Variants in RFTN2 observed in about 807,000 individuals in gnomAD.
The protein encoded by RFTN2 is raftlin family member 2, also known as raftlin-2.
RFTN2 carries 34 observed loss-of-function variants against 52.7 expected under a neutral mutation model. The ratio of observed to expected loss-of-function variants is 0.64; its 90% CI spans 0.49 to 0.86. The LOEUF (loss-of-function observed/expected upper bound fraction) is 0.86. RFTN2 is among the 40% of genes least tolerant of loss of function. The probability of loss-of-function intolerance (pLI) is 0.00; values close to 1 mark genes in which losing one functional copy is unlikely to be tolerated. For missense variants in RFTN2, 536 were observed against 600.1 expected, an observed-to-expected ratio of 0.89 and a Z score of 1.12; for synonymous variants, 203 against 217.7, an observed-to-expected ratio of 0.93 and a Z score of 0.59.
chr2:197,572,301 G>T, intron 8 of RFTN2, 21 bp from the exon 9 acceptor site: 1 of 1,608,722 alleles, frequency 6.2e-7, no homozygotes, highest in South Asian at 1.1e-5. Context: ...AGACATTGGT[G>T]ACCAGGAGAG....
rs558795073 is a variant in RFTN2, at chr2:197,615,327, G to A, written c.1154+549C>T. 1.5e-4 allele frequency among the ~76,000 whole-genome samples: 23 copies of A among 152,326 alleles called. No individual in the cohort carries two copies. The East Asian group carries it at 1.9e-3, about 13-fold the overall frequency. On this transcript the variant is annotated intron_variant, in intron 7 of 8. Transcript: ENST00000295049. Reference sequence around the variant, plus strand: ...TCAGTCATTTCCTGGATGCCAAAGCGGGCAGAGGACACATCTCTGGGTCCC... The same window carrying A: ...TCAGTCATTTCCTGGATGCCAAAGCAGGCAGAGGACACATCTCTGGGTCCC...
At chr2:197,609,893 G>A (rs888186690) in intron 7 of RFTN2, among the ~76,000 whole-genome samples, 1 of 152,176 alleles carries the variant, frequency 6.6e-6, no homozygotes, top group Non-Finnish European at 1.5e-5. Flanking sequence ...CCCACTGCTT[G>A]TTTTTGTCAG....
Position 197,633,785 on chromosome 2 carries a change from A to G in RFTN2, c.651T>C (p.His217=), listed in dbSNP as rs763565401. Residue 217 remains histidine (H), a synonymous_variant, in exon 4 of 9, where the codon CAT becomes CAC. Coordinates refer to ENST00000295049, the MANE Select transcript of RFTN2 (RefSeq NM_144629.3). ...GTTCCATTTGATACTGTCCACTTTCATGATGAAGTTCTTCCTCAATTCCGC... is the reference window on the plus strand; with the variant it reads ...GTTCCATTTGATACTGTCCACTTTCGTGATGAAGTTCTTCCTCAATTCCGC... ...SESGIEEELH[H]ESGQYQMEQN... 3 of 1,613,734 alleles carry G rather than the reference A, an allele frequency of 1.9e-6. No individual in the cohort carries two copies. The highest frequency in any genetic ancestry group is 3.3e-5 in the Admixed American group (2 of 59,986).
chr2:197,608,698 AG>A (rs1228760086), intron 7 of RFTN2, among the ~76,000 whole-genome samples: 1 of 147,382 alleles, frequency 6.8e-6, no homozygotes, highest in Non-Finnish European at 1.5e-5. Context: ...TTTGTTACAC[AG>A]GTATAAGTGT....
chr2:197,623,303 G>A (rs2088298874), intron 5 of RFTN2, among the ~76,000 whole-genome samples: 2 of 152,218 alleles, frequency 1.3e-5, no homozygotes, highest in South Asian at 4.1e-4. Context: ...GGATGACTTT[G>A]AGGGGCTCAA....
At chr2:197,619,153 A>G (rs7591457) in intron 5 of RFTN2, among the ~76,000 whole-genome samples, 105,676 of 149,620 alleles carry the variant, frequency 0.71, 37,882 homozygotes, top group Middle Eastern at 0.86. Context: ...TCAGCCCCCC[A>G]TCCGGGAGGT....
chr2:197,604,985 T>C (rs1365220143), intron 7 of RFTN2, among the ~76,000 whole-genome samples: 1 of 152,110 alleles, frequency 6.6e-6, no homozygotes, highest in Non-Finnish European at 1.5e-5. Context: ...GGTCTTGAAC[T>C]CCTGACCTCA....
At chr2:197,607,133 T>C (rs1003211741) in intron 7 of RFTN2, among the ~76,000 whole-genome samples, 3 of 152,204 alleles carry the variant, frequency 2.0e-5, no homozygotes, top group Non-Finnish European at 4.4e-5. Flanking sequence ...ATATACATCA[T>C]GGAATACTAT....
At chr2:197,665,357 G>T (rs763420197) in intron 1 of RFTN2, among the ~76,000 whole-genome samples, 5 of 151,826 alleles carry the variant, frequency 3.3e-5, no homozygotes, top group Non-Finnish European at 7.4e-5. Flanking sequence ...GCTGAAAGTG[G>T]GTTGAAGTAT....
At chr2:197,586,748 C>T (rs987021816) in intron 8 of RFTN2, among the ~76,000 whole-genome samples, 25 of 152,322 alleles carry the variant, frequency 1.6e-4, no homozygotes, top group South Asian at 8.3e-4. Flanking sequence ...GCATCACAGA[C>T]GTATCACAAA....
chr2:197,656,691 A>G (rs2088898333), intron 1 of RFTN2, among the ~76,000 whole-genome samples: 1 of 152,182 alleles, frequency 6.6e-6, no homozygotes, highest in African/African-American at 2.4e-5. Context: ...TTCCCAAACT[A>G]CAGAACTCTG....
chr2:197,646,572 A>G lies in RFTN2; in HGVS notation c.234T>C (p.Ala78=). The G allele has an allele frequency of 1.2e-6, 2 of 1,612,936 alleles. No individual in the cohort carries two copies. The highest frequency in any genetic ancestry group is 2.2e-5 in the East Asian group (1 of 44,876). The change falls in exon 2 of 9, where the codon GCT becomes GCC. Residue 78 remains alanine (A), a synonymous_variant. Coordinates refer to ENST00000295049, the MANE Select transcript of RFTN2 (RefSeq NM_144629.3). ...NYYLKGYIVG[A]IHPVIQPVGQ... ...CCACAGGTTGTATAACAGGATGAAT[A>G]GCCCCGACAATATATCCTTTAAGAT...
rs777684670 is a variant in RFTN2, at chr2:197,633,825, C to T, written c.611G>A (p.Gly204Glu). Residue 204 changes from glycine to glutamate, a missense_variant, in exon 4 of 9, where the codon GGG becomes GAG. Coordinates refer to ENST00000295049, the MANE Select transcript of RFTN2 (RefSeq NM_144629.3). ...CTCAATTCCGCTTTCAGATGACTGC[C>T]CACTTAACGTCCCTTCATTCCAACT... is the stretch of plus-strand genomic sequence containing the variant. Reference protein sequence around the residue: ...CRSWNEGTLSGQSSESGIEEE... With the variant: ...CRSWNEGTLSEQSSESGIEEE... 3.1e-6 allele frequency: 5 copies of T among 1,613,864 alleles called. No homozygotes were observed. The highest frequency in any genetic ancestry group is 1.3e-5 in the African/African-American group (1 of 75,014).
chr2:197,649,088 C>G (rs2106255239), intron 1 of RFTN2, among the ~76,000 whole-genome samples: 1 of 152,130 alleles, frequency 6.6e-6, no homozygotes, highest in East Asian at 1.9e-4. Context: ...AAAAGGCAAG[C>G]AATCAAGATT....
chr2:197,597,847 A>T (rs1304929118), intron 7 of RFTN2, among the ~76,000 whole-genome samples: 1 of 152,174 alleles, frequency 6.6e-6, no homozygotes, highest in East Asian at 1.9e-4. Flanking sequence ...AGGGACCTCA[A>T]TAAGTGATAA....
chr2:197,616,085 C>T lies in RFTN2; in HGVS notation c.1051-106G>A, dbSNP rs1013983707. The T allele has an allele frequency of 9.5e-6, 6 of 630,142 alleles. No individual in the cohort carries two copies. The African/African-American group carries it at 1.1e-4, about 12-fold the overall frequency. The allele number at this position is 630,142 out of a possible 1,614,324, so 39.0% of individuals were successfully genotyped here. ...TAGGATGAGGGGAGTTCACTTTCAT[C>T]CGCTGCAGCCTTCCTGGGCTTCATG... On this transcript the variant is annotated intron_variant, in intron 6 of 8. Transcript: ENST00000295049.
chr2:197,650,342 A>G (rs945821230), intron 1 of RFTN2, among the ~76,000 whole-genome samples: 1 of 152,194 alleles, frequency 6.6e-6, no homozygotes, highest in African/African-American at 2.4e-5. Context: ...TGACTACATT[A>G]GATACCTCAT....
intron 8 of RFTN2, among the ~76,000 whole-genome samples, chr2:197,588,980 T>C (rs904937821): frequency 3.3e-5 from 5 of 151,998 alleles, no homozygotes; most frequent in African/African-American, 1.2e-4. Context: ...TCCCAGCATT[T>C]TGGGAGGCCA....
intron 8 of RFTN2, among the ~76,000 whole-genome samples, chr2:197,578,366 G>A (rs901386983): frequency 7.7e-5 from 10 of 129,696 alleles, no homozygotes; most frequent in African/African-American, 2.7e-4. Flanking sequence ...AAAGACTTCT[G>A]TACCAACACA....
Sources: allele counts gnomAD v4.1 joint callset (sites outside exome capture counted in the v4.1 genomes callset), GRCh38; gene constraint gnomAD v4.1.1; transcripts MANE v1.5; gene names NCBI Gene and HGNC (gene_info 2026-07-23, HGNC 2026-07-21).